FAF1: variants seen among roughly 807,000 people sequenced by gnomAD.
FAF1 encodes the protein Fas associated factor 1, also known as FAS-associated factor 1.
FAF1 carries 25 observed loss-of-function variants against 92.5 expected under a neutral mutation model. The ratio of observed to expected loss-of-function variants is 0.27; its 90% CI spans 0.20 to 0.38. The LOEUF is 0.38. Among genes scored for constraint, FAF1 ranks in the 10% least tolerant of loss-of-function variants. The pLI, the probability that FAF1 is intolerant of heterozygous loss-of-function variation, is 1.00. For missense variants in FAF1, 636 were observed against 793.3 expected (o/e 0.80, Z 2.38); for synonymous variants, 234 against 273.2 (o/e 0.86, Z 1.42).
chr1:50,749,412 C>T (rs1250130269), intron 4 of FAF1, among the ~76,000 whole-genome samples: 4 of 152,094 alleles, frequency 2.6e-5, no homozygotes, highest in Non-Finnish European at 4.4e-5. Flanking sequence ...ACACATGAGA[C>T]AAATAGCCTT....
rs375636447 is a variant in FAF1, at chr1:50,612,837, C to T, written c.745-16621G>A. ...GCCAGTTAATCCTTGCTGGCTCAGC[C>T]TAGCCAAGTAATTTTTTTCCTTCTG... is the stretch of plus-strand genomic sequence containing the variant. On this transcript the variant is annotated intron_variant, in intron 8 of 18. Transcript: ENST00000396153. 1.8e-4 allele frequency among the ~76,000 whole-genome samples: 28 copies of T among 152,328 alleles called. No individual in the cohort carries two copies. The South Asian group carries it at 4.6e-3, about 25-fold the overall frequency.
At chr1:50,781,050 C>T (rs769958957) in intron 4 of FAF1, 28 of 430,496 alleles carry the variant, frequency 6.5e-5, no homozygotes, top group Non-Finnish European at 1.2e-4. Context: ...TTGAACTGTG[C>T]AAGATGGAAG....
intron 6 of FAF1, among the ~76,000 whole-genome samples, chr1:50,738,606 A>G (rs2124484852): frequency 6.6e-6 from 1 of 152,276 alleles, no homozygotes; most frequent in African/African-American, 2.4e-5. Flanking sequence ...CTTCAGTCAG[A>G]GAAGTACCAT....
intron 15 of FAF1, among the ~76,000 whole-genome samples, chr1:50,507,910 A>G (rs1416440764): frequency 6.6e-6 from 1 of 152,234 alleles, no homozygotes; most frequent in Non-Finnish European, 1.5e-5. Context: ...CAAGATATTT[A>G]CATACTACCA....
At chr1:50,868,893 A>G (rs1644504447) in intron 1 of FAF1, among the ~76,000 whole-genome samples, 1 of 152,208 alleles carries the variant, frequency 6.6e-6, no homozygotes, top group Non-Finnish European at 1.5e-5. Context: ...ATTGCCATTT[A>G]ACTCTATAAA....
chr1:50,959,784 T>C lies in FAF1; in HGVS notation c.28A>G (p.Ile10Val), dbSNP rs1432581411. Residue 10 changes from isoleucine (I) to valine (V), a missense_variant, in exon 1 of 19, where the codon ATC becomes GTC. Physicochemically the swap from Ile to Val is conservative, Grantham distance 29. Transcript: ENST00000396153. ...TACTTCACCTGAAAATCCGCCAGGA[T>C]CATCTCCCGGTCCATGTTGGACGCC... The part of the protein sequence containing the change: MASNMDREM[I>V]LADFQACTGI... The C allele has an allele frequency of 1.2e-6, 2 of 1,601,548 alleles. No individual in the cohort carries two copies. The highest frequency in any genetic ancestry group is 2.2e-5 in the South Asian group (2 of 90,074).
intron 8 of FAF1, among the ~76,000 whole-genome samples, chr1:50,626,418 TGAA>T (rs1445715220): frequency 6.6e-6 from 1 of 152,090 alleles, no homozygotes; most frequent in Non-Finnish European, 1.5e-5. Flanking sequence ...ACAGCTTCCA[TGAA>T]GAAATGTTTG....
intron 8 of FAF1, among the ~76,000 whole-genome samples, chr1:50,637,914 G>GTA (rs57016473): frequency 0.091 from 13,532 of 149,508 alleles, 762 homozygotes; most frequent in African/African-American, 0.17. Context: ...ATAAATTTGT[G>GTA]TATATATATA....
At chr1:50,443,891 C>T (rs192091013) in intron 18 of FAF1, among the ~76,000 whole-genome samples, 18 of 152,110 alleles carry the variant, frequency 1.2e-4, no homozygotes, top group Admixed American at 2.6e-4. Flanking sequence ...TTCTTCCCCA[C>T]GGCCCAGCAA....
At chr1:50,920,954 G>A (rs1241973904) in intron 1 of FAF1, among the ~76,000 whole-genome samples, 1 of 152,054 alleles carries the variant, frequency 6.6e-6, no homozygotes, top group Admixed American at 6.5e-5. Flanking sequence ...GAAAGAAAAA[G>A]TCATAAAAAT....
chr1:50,529,430 A>G (rs1648018396), intron 15 of FAF1, among the ~76,000 whole-genome samples: 1 of 152,246 alleles, frequency 6.6e-6, no homozygotes, highest in Non-Finnish European at 1.5e-5. Context: ...AAATTGTAAC[A>G]GATGTGATAA....
At chr1:50,918,731 T>C (rs577495133) in intron 1 of FAF1, among the ~76,000 whole-genome samples, 61 of 114,818 alleles carry the variant, frequency 5.3e-4, no homozygotes, top group Non-Finnish European at 7.6e-4. Context: ...CTGGGTCAAA[T>C]GGTATTTCTA....
At chr1:50,589,523 A>C (rs1476376976) in intron 9 of FAF1, among the ~76,000 whole-genome samples, 3 of 151,984 alleles carry the variant, frequency 2.0e-5, no homozygotes, top group African/African-American at 7.3e-5. Context: ...CCATTTTTTA[A>C]CTGGGTTGTT....
chr1:50,498,015 T>A (rs1230590383), intron 15 of FAF1, among the ~76,000 whole-genome samples: 1 of 152,174 alleles, frequency 6.6e-6, no homozygotes, highest in African/African-American at 2.4e-5. Context: ...CAAAACTTAC[T>A]ATAAAGCTAC....
intron 3 of FAF1, among the ~76,000 whole-genome samples, chr1:50,790,996 A>G (rs1283717829): frequency 1.3e-5 from 2 of 152,042 alleles, no homozygotes; most frequent in Non-Finnish European, 1.5e-5. Context: ...TGTGTTTGGG[A>G]CTCCAAGTAT....
In FAF1 at chr1:50,959,989, C is replaced by A. The variant is rs922677403; in HGVS notation, c.-178G>T. On this transcript the variant is annotated 5_prime_UTR_variant, in exon 1 of 19. Transcript: ENST00000396153. ...GGGGCAGCGCGGGAAGCGCTAGGCG[C>A]TCATGCACTCGGTAACCTTCAGGCG... 5 of 393,832 alleles carry A rather than the reference C, an allele frequency of 1.3e-5. No individual in the cohort carries two copies. The highest frequency in any genetic ancestry group is 2.1e-5 in the African/African-American group (1 of 48,090). The allele number at this position is 393,832 out of a possible 1,614,324, so 24.4% of individuals were successfully genotyped here.
At chr1:50,874,290 A>G (rs943140042) in intron 1 of FAF1, among the ~76,000 whole-genome samples, 1 of 152,198 alleles carries the variant, frequency 6.6e-6, no homozygotes, top group African/African-American at 2.4e-5. Context: ...TTTCTTAAAC[A>G]TAAAAATAAA....
intron 2 of FAF1, among the ~76,000 whole-genome samples, chr1:50,856,469 A>ATTGTTAT (rs1644391159): frequency 6.6e-6 from 1 of 151,836 alleles, no homozygotes; most frequent in Non-Finnish European, 1.5e-5. Flanking sequence ...CAATGGTTAA[A>ATTGTTAT]AGCATGAATT....
chr1:50,676,042 A>G (rs1323352278), intron 7 of FAF1, among the ~76,000 whole-genome samples: 1 of 152,190 alleles, frequency 6.6e-6, no homozygotes, highest in Non-Finnish European at 1.5e-5. Context: ...TCTTTTTCCT[A>G]ACATTTCACA....
Sources: gnomAD v4.1 joint callset for allele counts (sites outside exome capture counted in the v4.1 genomes callset) on GRCh38, gnomAD v4.1.1 for gene constraint, MANE v1.5 for transcripts, NCBI Gene and HGNC (gene_info 2026-07-23, HGNC 2026-07-21) for gene names.